Variants in ARHGAP22 observed in about 807,000 individuals in gnomAD.
ARHGAP22 encodes rho GTPase-activating protein 22.
Under a neutral mutation model 59.1 loss-of-function variants are expected in ARHGAP22, and 48 were observed. That is an observed-to-expected ratio of 0.81 (90% confidence interval 0.64 to 1.03). The LOEUF (loss-of-function observed/expected upper bound fraction) is 1.03. Among genes scored for constraint, ARHGAP22 ranks in the 50% least tolerant of loss-of-function variants. The pLI is 0.00. For synonymous variants in ARHGAP22, 445 were observed against 416.4 expected (o/e 1.07, Z -0.84); for missense variants, 1,015 against 958.7 (o/e 1.06, Z -0.78).
At chr10:48,583,527 C>T (rs11593803) in intron 1 of ARHGAP22, among the ~76,000 whole-genome samples, 35,553 of 152,204 alleles carry the variant, frequency 0.23, 4,344 homozygotes, top group Middle Eastern at 0.39. Context: ...ATTTGTTCAA[C>T]GATTCATTTA....
chr10:48,572,218 A>C (rs1049082680), intron 2 of ARHGAP22, among the ~76,000 whole-genome samples: 1 of 152,234 alleles, frequency 6.6e-6, no homozygotes, highest in Non-Finnish European at 1.5e-5. Context: ...ACACCTGTAC[A>C]CTTAAAGAAT....
intron 2 of ARHGAP22, among the ~76,000 whole-genome samples, chr10:48,567,765 C>T (rs1047303467): frequency 7.9e-5 from 12 of 152,242 alleles, no homozygotes; most frequent in Admixed American, 4.6e-4. Context: ...CTGAGTCAAC[C>T]TTGGTGACCA....
At chr10:48,575,974 C>A (rs2058686991) in intron 2 of ARHGAP22, among the ~76,000 whole-genome samples, 1 of 152,216 alleles carries the variant, frequency 6.6e-6, no homozygotes, top group African/African-American at 2.4e-5. Context: ...CCTCTTGGGG[C>A]TCTGATGGCC....
intron 1 of ARHGAP22, among the ~76,000 whole-genome samples, chr10:48,584,148 C>G (rs867039635): frequency 1.3e-5 from 2 of 152,212 alleles, no homozygotes; most frequent in South Asian, 2.1e-4. Context: ...TGTAATCACA[C>G]CTGTAATTCT....
At chr10:48,611,406 C>A (rs376571565) in intron 1 of ARHGAP22, among the ~76,000 whole-genome samples, 1 of 152,222 alleles carries the variant, frequency 6.6e-6, no homozygotes, top group South Asian at 2.1e-4. Context: ...AAGCTGCCCC[C>A]CTTCCTAGAA....
rs547906014 is a variant in ARHGAP22 at position 48,451,001 on chromosome 10, G to A, written c.1128C>T (p.Thr376=). 3.5e-5 allele frequency: 55 copies of A among 1,558,306 alleles called. No individual in the cohort carries two copies. The African/African-American group carries it at 6.4e-4, about 18-fold the overall frequency. ...CAVGWGSEEV[T]RDSQGEPGGP... is the part of the protein sequence containing the mutation. ...CGCCGGGCTCTCCTTGGCTGTCCCT[G>A]GTGACCTCCTCGGAGCCCCACCCCA... The change falls in exon 9 of 10, where the codon ACC becomes ACT. Residue 376 remains threonine (T), a synonymous_variant. Transcript: ENST00000249601.
intron 9 of ARHGAP22, 147 bp downstream of exon 9, chr10:48,450,114 C>T: frequency 8.1e-7 from 1 of 1,231,214 alleles, no homozygotes; most frequent in Non-Finnish European, 1.1e-6. Flanking sequence ...AGTCCTAGGG[C>T]TTTCCCAGAG....
At chr10:48,532,328 C>T (rs2054925521) in intron 3 of ARHGAP22, among the ~76,000 whole-genome samples, 1 of 151,974 alleles carries the variant, frequency 6.6e-6, no homozygotes, top group African/African-American at 2.4e-5. Context: ...TGCGTCCCTG[C>T]CCCCACCCCC....
chr10:48,481,087 G>A (rs1457143307), intron 3 of ARHGAP22, among the ~76,000 whole-genome samples: 1 of 152,246 alleles, frequency 6.6e-6, no homozygotes, highest in African/African-American at 2.4e-5. Context: ...ACGCAGATAA[G>A]CCCTGCTCGC....
intron 3 of ARHGAP22, among the ~76,000 whole-genome samples, chr10:48,480,098 C>T (rs1213784686): frequency 2.0e-5 from 3 of 152,214 alleles, no homozygotes; most frequent in African/African-American, 7.2e-5. Context: ...GGTGGCCTCA[C>T]TTTATGCTTT....
intron 3 of ARHGAP22, among the ~76,000 whole-genome samples, chr10:48,490,197 G>A (rs1445251402): frequency 6.6e-6 from 1 of 152,178 alleles, no homozygotes; most frequent in Non-Finnish European, 1.5e-5. Flanking sequence ...AAATGGGACA[G>A]CCCCTTAGCT....
intron 3 of ARHGAP22, among the ~76,000 whole-genome samples, chr10:48,526,946 T>C (rs2054381258): frequency 6.6e-6 from 1 of 152,230 alleles, no homozygotes; most frequent in Non-Finnish European, 1.5e-5. Context: ...TGTCTTTTTA[T>C]AGTTTTTTAG....
chr10:48,577,129 A>G (rs10857603), intron 2 of ARHGAP22, among the ~76,000 whole-genome samples: 81,346 of 151,752 alleles, frequency 0.54, 22,793 homozygotes, highest in East Asian at 0.97. Context: ...TTCTTCCTAG[A>G]AGTGTCAAGT....
intron 3 of ARHGAP22, among the ~76,000 whole-genome samples, chr10:48,520,490 G>A (rs1277863618): frequency 1.3e-5 from 2 of 152,208 alleles, no homozygotes; most frequent in Non-Finnish European, 2.9e-5. Context: ...CTGACAGGGG[G>A]GCCAGGATGA....
At chr10:48,517,766 T>C (rs1167770610) in intron 3 of ARHGAP22, among the ~76,000 whole-genome samples, 1 of 152,210 alleles carries the variant, frequency 6.6e-6, no homozygotes, top group East Asian at 1.9e-4. Flanking sequence ...TCGTGTCCTG[T>C]TGCTAGGCAC....
chr10:48,463,154 A>C (rs1227750609), intron 4 of ARHGAP22, among the ~76,000 whole-genome samples: 1 of 152,260 alleles, frequency 6.6e-6, no homozygotes, highest in Non-Finnish European at 1.5e-5. Flanking sequence ...CAACAATTGC[A>C]GAGCTCAGTA....
intron 3 of ARHGAP22, among the ~76,000 whole-genome samples, chr10:48,506,687 C>A (rs939248846): frequency 6.6e-6 from 1 of 152,114 alleles, no homozygotes; most frequent in Non-Finnish European, 1.5e-5. Context: ...TAAGTGCATG[C>A]GCCCCCACCA....
intron 3 of ARHGAP22, among the ~76,000 whole-genome samples, chr10:48,517,631 AGCC>A: frequency 6.6e-6 from 1 of 152,074 alleles, no homozygotes; most frequent in Non-Finnish European, 1.5e-5. Flanking sequence ...GAGCCATGAG[AGCC>A]AACCCCCTAA....
intron 3 of ARHGAP22, among the ~76,000 whole-genome samples, chr10:48,483,332 G>C (rs2049514523): frequency 6.6e-6 from 1 of 152,128 alleles, no homozygotes; most frequent in South Asian, 2.1e-4. Flanking sequence ...TCACTGCCAA[G>C]GTCTGATTTT....
Sources: gnomAD v4.1 joint callset for allele counts (sites outside exome capture counted in the v4.1 genomes callset) on GRCh38, gnomAD v4.1.1 for gene constraint, MANE v1.5 for transcripts, NCBI Gene and HGNC (gene_info 2026-07-23, HGNC 2026-07-21) for gene names.